TMPRSS6: variants seen among roughly 807,000 people sequenced by gnomAD.
TMPRSS6 encodes the protein transmembrane serine protease 6.
Under a neutral mutation model 101.5 loss-of-function variants are expected in TMPRSS6, and 67 were observed. That is an observed-to-expected ratio of 0.66 (90% CI 0.54 to 0.81). The LOEUF is 0.81. Among genes scored for constraint, TMPRSS6 ranks in the 30% least tolerant of loss-of-function variants. The pLI, the probability that TMPRSS6 is intolerant of heterozygous loss-of-function variation, is 0.00. For synonymous variants in TMPRSS6, 453 were observed against 464.9 expected, an observed-to-expected ratio of 0.97 and a Z score of 0.33; for missense variants, 1,034 against 1,088.7, an observed-to-expected ratio of 0.95 and a Z score of 0.71.
chr22:37,104,739 T>A (rs1452514686), intron 1 of TMPRSS6, among the ~76,000 whole-genome samples: 1 of 152,076 alleles, frequency 6.6e-6, no homozygotes, highest in African/African-American at 2.4e-5. Context: ...GGTGAGTGGA[T>A]CACCTGAGGT....
In TMPRSS6 at chr22:37,101,664, A is replaced by T. The variant is rs1330568073; in HGVS notation, c.202+1552T>A. ...TGTGGGGGAGTTGGCTTCCCCCAGC[A>T]GAGGCTTGGGAGCACTCACCCCTTG... On this transcript the variant is annotated intron_variant, in intron 2 of 17. Coordinates refer to ENST00000676104, the MANE Select transcript of TMPRSS6 (RefSeq NM_001374504.1). The surrounding 1 kb of genome is among the most constrained non-coding windows in gnomAD (Gnocchi z 4.1). Among the ~76,000 whole-genome samples the T allele has an allele frequency of 6.6e-6, 1 of 152,140 alleles. No individual in the cohort carries two copies. Among genetic ancestry groups the T allele is most frequent in the African/African-American group, 2.4e-5 (1 of 41,424 alleles).
At position 37,103,622 on chromosome 22, in the gene TMPRSS6, A is replaced by G. The variant is rs2146190469; in HGVS notation, c.-1-204T>C. On this transcript the variant is annotated intron_variant, in intron 1 of 17. Coordinates refer to ENST00000676104, the MANE Select transcript of TMPRSS6 (RefSeq NM_001374504.1). The surrounding 1 kb of genome is among the most constrained non-coding windows in gnomAD (Gnocchi z 4.4). ...CTCAGGTCAGCTCGCACCAGAGGGC[A>G]GGCACCAGAGCTGGACTGGGTCTGG... The G allele has an allele frequency of 1.3e-6, 2 of 1,597,266 alleles. No homozygotes were observed. The highest frequency in any genetic ancestry group is 1.7e-6 in the Non-Finnish European group (2 of 1,169,216).
At chr22:37,106,097 ACACAGAT>A (rs1930695751) in intron 1 of TMPRSS6, among the ~76,000 whole-genome samples, 1 of 152,160 alleles carries the variant, frequency 6.6e-6, no homozygotes, top group Admixed American at 6.5e-5. Flanking sequence ...TGTAAGCCTT[ACACAGAT>A]CCTGTGGGGA....
intron 4 of TMPRSS6, 144 bp downstream of exon 4, chr22:37,096,504 C>A (rs1209384740): frequency 2.3e-6 from 2 of 874,478 alleles, no homozygotes; most frequent in Non-Finnish European, 3.8e-6. Context: ...GGGAGGGTGA[C>A]ATGCAGGAAG....
At position 37,065,534 on chromosome 22, in the gene TMPRSS6, A is replaced by G. The variant is rs142181201; in HGVS notation, c.*546T>C. 9.9e-3 allele frequency: 1,585 copies of G among 160,002 alleles called. 44 individuals carry two copies. The highest frequency in any genetic ancestry group is 0.037 in the African/African-American group (1,524 of 41,694). 9.9% of individuals were successfully genotyped at this position (160,002 alleles called of 1,614,324 possible). A position where few individuals can be genotyped will look rare whatever the true frequency, so the allele number is the denominator to read the frequency against. On this transcript the variant is annotated 3_prime_UTR_variant, in exon 18 of 18. Transcript: ENST00000676104. ...GGTGGCAGGCAGGGGTGGGGCAAGG[A>G]CCCTGGAGTCAGGACTTCCCCACCT...
chr22:37,089,443 C>T, intron 7 of TMPRSS6, 135 bp downstream of exon 7: 1 of 848,228 alleles, frequency 1.2e-6, no homozygotes, highest in Non-Finnish European at 1.9e-6. Context: ...TCTAAGCTAG[C>T]CGTCCTGTCT....
Position 37,089,568 on chromosome 22 carries a change from A to T in TMPRSS6, c.836+10T>A. 1.0e-6 allele frequency: 1 copy of T among 1,000,214 alleles called. No homozygotes were observed. The highest frequency in any genetic ancestry group is 1.4e-6 in the Non-Finnish European group (1 of 713,076). 62.0% of individuals were successfully genotyped at this position (1,000,214 alleles called of 1,614,324 possible). A position where few individuals can be genotyped will look rare whatever the true frequency, so the allele number is the denominator to read the frequency against. ...AGCCCTCCCTCCTGCCCTCCTTCCC[A>T]GGGACTCACGAGGTGATGAGCCTCT... On this transcript the variant is annotated intron_variant, in intron 7 of 17. Coordinates refer to ENST00000676104, the MANE Select transcript of TMPRSS6 (RefSeq NM_001374504.1).
At chr22:37,092,882 T>C (rs960282495) in intron 6 of TMPRSS6, among the ~76,000 whole-genome samples, 9 of 152,252 alleles carry the variant, frequency 5.9e-5, no homozygotes, top group Non-Finnish European at 1.3e-4. Flanking sequence ...TCTGGGACTC[T>C]GTGTGAGGCT....
At chr22:37,066,603 C>T (rs1165901084) in intron 17 of TMPRSS6, among the ~76,000 whole-genome samples, 1 of 152,266 alleles carries the variant, frequency 6.6e-6, no homozygotes, top group Non-Finnish European at 1.5e-5. Context: ...CTAACACCTG[C>T]CCATCACAGC....
intron 6 of TMPRSS6, among the ~76,000 whole-genome samples, chr22:37,093,053 C>T (rs971491005): frequency 3.3e-5 from 5 of 152,190 alleles, no homozygotes; most frequent in Admixed American, 6.5e-5. Context: ...GGTGAGGACA[C>T]GGTCATCCTG....
chr22:37,072,394 G>A (rs555496084), intron 13 of TMPRSS6, among the ~76,000 whole-genome samples: 28 of 144,260 alleles, frequency 1.9e-4, no homozygotes, highest in African/African-American at 5.1e-4. Context: ...ATGATGGATC[G>A]ATGGATGATG....
chr22:37,076,015 GAAGA>G (rs1303160787), intron 10 of TMPRSS6, among the ~76,000 whole-genome samples: 4 of 143,942 alleles, frequency 2.8e-5, no homozygotes, highest in Non-Finnish European at 4.6e-5. Context: ...AAGAAAGAAA[GAAGA>G]AAGAGAAAGA....
At chr22:37,104,767 C>T (rs1930605761) in intron 1 of TMPRSS6, among the ~76,000 whole-genome samples, 1 of 152,104 alleles carries the variant, frequency 6.6e-6, no homozygotes, top group African/African-American at 2.4e-5. Flanking sequence ...TCGAGATCAG[C>T]CTGGCCAATA....
intron 14 of TMPRSS6, 110 bp from the exon 15 acceptor site, chr22:37,070,762 A>G: frequency 1.5e-6 from 2 of 1,366,072 alleles, no homozygotes; most frequent in East Asian, 4.6e-5. Flanking sequence ...CAGGAGAATG[A>G]TGGAGGGGGA....
intron 1 of TMPRSS6, among the ~76,000 whole-genome samples, chr22:37,108,426 G>T (rs1247428396): frequency 6.6e-6 from 1 of 152,178 alleles, no homozygotes; most frequent in Non-Finnish European, 1.5e-5. Flanking sequence ...TGAACTCCTG[G>T]AAGCGGGGAC....
At chr22:37,072,720 T>G (rs1422774850) in intron 13 of TMPRSS6, among the ~76,000 whole-genome samples, 1 of 134,542 alleles carries the variant, frequency 7.4e-6, no homozygotes, top group Admixed American at 7.5e-5. Context: ...GATGGATGGA[T>G]GATGGATGGA....
In TMPRSS6 at chr22:37,065,669, G is replaced by A. The variant is rs6000549; in HGVS notation, c.*411C>T. On this transcript the variant is annotated 3_prime_UTR_variant, in exon 18 of 18. Transcript: ENST00000676104. ...ATCCCAAGTTAGACCAGGGGCTTCC[G>A]AAGCTGGAATCTGCTCTCTGGAGGC... 194 of 195,286 alleles carry A rather than the reference G, an allele frequency of 9.9e-4. No individual in the cohort carries two copies. The highest frequency in any genetic ancestry group is 4.0e-3 in the African/African-American group (172 of 43,428). 12.1% of individuals were successfully genotyped at this position (195,286 alleles called of 1,614,324 possible). A position where few individuals can be genotyped will look rare whatever the true frequency, so the allele number is the denominator to read the frequency against.
rs1301097542 is a variant in TMPRSS6 at position 37,065,737 on chromosome 22, A to G, written c.*343T>C. 3 of 371,978 alleles carry G rather than the reference A, an allele frequency of 8.1e-6. No homozygotes were observed. Among genetic ancestry groups the G allele is most frequent in the Non-Finnish European group, 1.5e-5 (3 of 194,682 alleles). The allele number at this position is 371,978 out of a possible 1,614,324, so 23.0% of individuals were successfully genotyped here. A position where few individuals can be genotyped will look rare whatever the true frequency, so the allele number is the denominator to read the frequency against. ...CTCTGTACAGAGTGGGGCGCACCTC[A>G]GACACTCCTCGGGATGTAGAACCAG... On this transcript the variant is annotated 3_prime_UTR_variant, in exon 18 of 18. Transcript: ENST00000676104.
chr22:37,070,908 G>C lies in TMPRSS6; in HGVS notation c.1672+8C>G, dbSNP rs377448476. On this transcript the variant is annotated splice_region_variant and intron_variant, in intron 14 of 17. Transcript: ENST00000676104. ...GCTCCAGGGCCCCGGCAGCCAGGCA[G>C]GGCTCACCACAGTGCTCCTCATCCG... is the stretch of plus-strand genomic sequence containing the variant. 6.2e-7 allele frequency: 1 copy of C among 1,612,444 alleles called. No individual in the cohort carries two copies. The highest frequency in any genetic ancestry group is 8.5e-7 in the Non-Finnish European group (1 of 1,179,718).
Sources: allele counts gnomAD v4.1 joint callset (sites outside exome capture counted in the v4.1 genomes callset), GRCh38; gene constraint gnomAD v4.1.1; non-coding constraint Gnocchi (gnomAD v3.1); transcripts MANE v1.5; gene names NCBI Gene and HGNC (gene_info 2026-07-23, HGNC 2026-07-21).